Variants in DENND4C observed in about 807,000 individuals in gnomAD.
The protein encoded by DENND4C is DENN domain containing 4C, also known as DENN domain-containing protein 4C.
DENND4C carries 108 observed loss-of-function variants against 203.0 expected under a neutral mutation model. That is an observed-to-expected ratio of 0.53 (90% CI 0.46 to 0.62). The LOEUF (loss-of-function observed/expected upper bound fraction) is 0.62, where lower values mean the gene tolerates loss of function less well. Ranked by LOEUF, DENND4C falls within the 20% of genes least tolerant of loss-of-function variation. DENND4C has a pLI of 0.00. For missense variants in DENND4C, 2,481 were observed against 2,301.2 expected, an observed-to-expected ratio of 1.08 and a Z score of -1.60; for synonymous variants, 871 against 792.4, an observed-to-expected ratio of 1.10 and a Z score of -1.67.
At chr9:19,232,717 G>A (rs1241369491) in intron 1 of DENND4C, among the ~76,000 whole-genome samples, 1 of 152,214 alleles carries the variant, frequency 6.6e-6, no homozygotes, top group Non-Finnish European at 1.5e-5. Context: ...AGGAACTGTA[G>A]TGGTGTGTAG....
intron 1 of DENND4C, among the ~76,000 whole-genome samples, chr9:19,273,955 G>A (rs1485628342): frequency 6.6e-6 from 1 of 151,962 alleles, no homozygotes; most frequent in Non-Finnish European, 1.5e-5. Flanking sequence ...TTTGTACATG[G>A]GTATTCACAG....
chr9:19,361,705 T>C, intron 29 of DENND4C, 141 bp from the exon 30 acceptor site: 2 of 500,756 alleles, frequency 4.0e-6, no homozygotes, highest in East Asian at 3.4e-5. Context: ...CATCAGACAT[T>C]AATAAAAATT....
intron 1 of DENND4C, among the ~76,000 whole-genome samples, chr9:19,235,626 T>TTTC: frequency 6.7e-6 from 1 of 149,766 alleles, no homozygotes; most frequent in Non-Finnish European, 1.5e-5. Context: ...TTTTTTTTTT[T>TTTC]TTGAGACGGA....
intron 9 of DENND4C, among the ~76,000 whole-genome samples, chr9:19,305,056 C>T (rs1049730659): frequency 6.6e-6 from 1 of 151,758 alleles, no homozygotes; most frequent in Non-Finnish European, 1.5e-5. Flanking sequence ...TATTTTGATT[C>T]TTTCCATAAA....
chr9:19,289,743 C>T (rs577689539), intron 4 of DENND4C, among the ~76,000 whole-genome samples: 9 of 150,516 alleles, frequency 6.0e-5, no homozygotes, highest in South Asian at 4.2e-4. Context: ...GCACGAGAAT[C>T]GCTTGAACCC....
chr9:19,234,227 ATTTTTATTAATTTTTTTT>A (rs1283724295), intron 1 of DENND4C, among the ~76,000 whole-genome samples: 2 of 151,598 alleles, frequency 1.3e-5, no homozygotes, highest in Non-Finnish European at 2.9e-5. Context: ...TCTGATTGTT[ATTTTTATTAATTTTTTTT>A]TTTGAGACCG....
At chr9:19,360,011 G>T (rs1826137826) in intron 28 of DENND4C, among the ~76,000 whole-genome samples, 1 of 152,094 alleles carries the variant, frequency 6.6e-6, no homozygotes, top group African/African-American at 2.4e-5. Flanking sequence ...GTGTGATAGA[G>T]AACATGTTTT....
intron 17 of DENND4C, among the ~76,000 whole-genome samples, chr9:19,332,399 C>T (rs1176823502): frequency 1.3e-5 from 2 of 151,988 alleles, no homozygotes; most frequent in African/African-American, 4.8e-5. Flanking sequence ...CTCTGTCACC[C>T]AGGCTGGAGT....
intron 9 of DENND4C, among the ~76,000 whole-genome samples, chr9:19,303,659 T>G (rs1335000215): frequency 1.3e-5 from 2 of 152,184 alleles, no homozygotes; most frequent in African/African-American, 2.4e-5. Context: ...AATAAATGTT[T>G]GAAGACAAAA....
intron 20 of DENND4C, among the ~76,000 whole-genome samples, chr9:19,337,177 T>C (rs1820674160): frequency 6.6e-6 from 1 of 152,200 alleles, no homozygotes; most frequent in African/African-American, 2.4e-5. Context: ...AGAAAATGTA[T>C]CTTAAAACTT....
At chr9:19,260,225 C>T (rs1011611535) in intron 1 of DENND4C, among the ~76,000 whole-genome samples, 2 of 152,114 alleles carry the variant, frequency 1.3e-5, no homozygotes, top group Admixed American at 6.5e-5. Flanking sequence ...CTCTGATGAC[C>T]AGTGATGTAG....
At chr9:19,254,645 AC>A (rs1490378014) in intron 1 of DENND4C, among the ~76,000 whole-genome samples, 1 of 152,142 alleles carries the variant, frequency 6.6e-6, no homozygotes, top group Non-Finnish European at 1.5e-5. Context: ...AGTTGATTAT[AC>A]TGTATTGCTT....
intron 16 of DENND4C, among the ~76,000 whole-genome samples, chr9:19,331,207 C>CTT (rs750304776): frequency 5.6e-5 from 8 of 141,812 alleles, no homozygotes; most frequent in East Asian, 2.0e-4. Context: ...GGAATAGGTC[C>CTT]TTTTTTTTTT....
chr9:19,278,409 G>A (rs1343373023), intron 2 of DENND4C, among the ~76,000 whole-genome samples: 6 of 152,046 alleles, frequency 3.9e-5, no homozygotes, highest in Admixed American at 2.0e-4. Flanking sequence ...GGTTACAAGC[G>A]TGAGTTACCA....
chr9:19,276,643 C>A, intron 2 of DENND4C, 164 bp downstream of exon 2: 1 of 421,106 alleles, frequency 2.4e-6, no homozygotes, highest in Non-Finnish European at 4.0e-6. Context: ...ATATTACATG[C>A]CAGTATCCAC....
At position 19,365,953 on chromosome 9, in the gene DENND4C, T is replaced by G. The variant is rs1440721946; in HGVS notation, c.5525-3884T>G. Among the ~76,000 whole-genome samples the G allele has an allele frequency of 7.9e-5, 12 of 152,284 alleles. No individual in the cohort carries two copies. In the South Asian group the frequency reaches 2.5e-3, roughly 32 times the overall value. On this transcript the variant is annotated intron_variant, in intron 30 of 32. Transcript: ENST00000434457. ...AAGTAAATGGAAAGAATCCAATGTT[T>G]ATGGTCTGGAAAAGTTAATATTATT...
intron 26 of DENND4C, among the ~76,000 whole-genome samples, chr9:19,353,760 C>A (rs1427910504): frequency 6.6e-6 from 1 of 152,048 alleles, no homozygotes; most frequent in Admixed American, 6.6e-5. Flanking sequence ...TGGCAAAACC[C>A]CATCTCTACA....
intron 1 of DENND4C, among the ~76,000 whole-genome samples, chr9:19,267,829 G>T (rs141729146): frequency 7.8e-4 from 119 of 152,224 alleles, no homozygotes; most frequent in African/African-American, 2.8e-3. Flanking sequence ...ATGAACCACT[G>T]TGCCCAGCCT....
At position 19,316,838 on chromosome 9, in the gene DENND4C, G is replaced by T; in HGVS notation, c.1806G>T (p.Gln602His). 1 of 1,608,966 alleles carries T rather than the reference G, an allele frequency of 6.2e-7. No individual in the cohort carries two copies. Among genetic ancestry groups the T allele is most frequent in the Non-Finnish European group, 8.5e-7 (1 of 1,178,446 alleles). The change falls in exon 12 of 33, where the codon CAG (glutamine) becomes CAT (histidine). Residue 602 changes from glutamine (Q) to histidine (H), a missense_variant and splice_region_variant. This residue lies in a region of DENND4C where 2,289 missense variants were observed against 2,113.3 expected (regional missense o/e 1.08). Transcript: ENST00000434457. ...ATAADSLFDRQGFLKSRDRAY... is the reference protein window; with the variant it reads ...ATAADSLFDRHGFLKSRDRAY... ...CTGCTGATTCATTGTTTGACCGACA[G>T]GGTGAGTAGCATTGAAAGTACAATT...
Sources: gnomAD v4.1 joint callset for allele counts (sites outside exome capture counted in the v4.1 genomes callset) on GRCh38, gnomAD v4.1.1 for gene constraint, gnomAD v4.1.1 regional missense constraint, MANE v1.5 for transcripts, NCBI Gene and HGNC (gene_info 2026-07-23, HGNC 2026-07-21) for gene names.